ATP6V1B2: variants seen among roughly 807,000 people sequenced by gnomAD.
The protein encoded by ATP6V1B2 is ATPase H+ transporting V1 subunit B2.
In ATP6V1B2, 23 loss-of-function variants were observed where a neutral mutation model predicts 66.7. The observed-to-expected ratio is 0.34, with a 90% CI of 0.25 to 0.49. ATP6V1B2 has a LOEUF of 0.49. ATP6V1B2 is among the 20% of genes least tolerant of loss of function. ATP6V1B2 has a pLI of 0.99. For missense variants in ATP6V1B2, 478 were observed against 650.8 expected (o/e 0.73, Z 2.89); for synonymous variants, 278 against 236.7 (o/e 1.17, Z -1.60).
intron 2 of ATP6V1B2, among the ~76,000 whole-genome samples, chr8:20,208,919 G>C (rs1440011413): frequency 6.6e-6 from 1 of 151,842 alleles, no homozygotes; most frequent in Non-Finnish European, 1.5e-5. Flanking sequence ...ATGTTGGCCA[G>C]GCTGGTCTCG....
chr8:20,217,564 A>C (rs1038991782), intron 12 of ATP6V1B2, among the ~76,000 whole-genome samples: 2 of 152,244 alleles, frequency 1.3e-5, no homozygotes, highest in African/African-American at 4.8e-5. Context: ...TTTCCAAATA[A>C]AAAGCCAAGC....
At chr8:20,217,358 A>G (rs757056319) in intron 12 of ATP6V1B2, 34 bp downstream of exon 12, 2 of 1,545,756 alleles carry the variant, frequency 1.3e-6, no homozygotes, top group Non-Finnish European at 1.8e-6. Context: ...GTGTTTGAAA[A>G]TATGGATACG....
intron 12 of ATP6V1B2, among the ~76,000 whole-genome samples, chr8:20,217,728 T>G (rs1464198765): frequency 2.6e-5 from 4 of 152,200 alleles, no homozygotes; most frequent in African/African-American, 9.7e-5. Flanking sequence ...TCCTTGATTT[T>G]TATACTCATA....
At position 20,212,782 on chromosome 8, in the gene ATP6V1B2, C is replaced by T. The variant is rs140669149; in HGVS notation, c.804C>T (p.Thr268=). The T allele has an allele frequency of 2.5e-6, 4 of 1,612,902 alleles. No individual in the cohort carries two copies. The highest frequency in any genetic ancestry group is 3.4e-6 in the Non-Finnish European group (4 of 1,179,568). ...CCTAAGACTTAATGTTCCCTTTCAG[C>T]ATTGAGCGAATTATCACTCCTCGCC... ...CLFLNLANDP[T]IERIITPRLA... Residue 268 remains threonine, a splice_region_variant and synonymous_variant, in exon 9 of 14, where the codon ACC becomes ACT. Transcript: ENST00000276390.
chr8:20,203,436 G>A (rs1396836706), intron 1 of ATP6V1B2, among the ~76,000 whole-genome samples: 10 of 152,142 alleles, frequency 6.6e-5, no homozygotes. Context: ...TTAGTAAATG[G>A]TTTCCTCATG....
intron 2 of ATP6V1B2, among the ~76,000 whole-genome samples, chr8:20,204,784 G>A (rs1049706824): frequency 6.6e-6 from 1 of 152,108 alleles, no homozygotes; most frequent in Non-Finnish European, 1.5e-5. Context: ...TTCTAGAACA[G>A]TAATTGTACA....
chr8:20,216,338 G>T, intron 10 of ATP6V1B2, 75 bp from the exon 11 acceptor site: 1 of 1,377,096 alleles, frequency 7.3e-7, no homozygotes, highest in Non-Finnish European at 1.0e-6. Context: ...TGTGGGTTTG[G>T]TTCTGAGAGA....
At chr8:20,199,822 G>C (rs1023099920) in intron 1 of ATP6V1B2, among the ~76,000 whole-genome samples, 1 of 152,006 alleles carries the variant, frequency 6.6e-6, no homozygotes, top group African/African-American at 2.4e-5. Context: ...TGTTTCCCAG[G>C]CTGGTGGCGA....
chr8:20,206,184 C>A (rs1016829392), intron 2 of ATP6V1B2, among the ~76,000 whole-genome samples: 1 of 152,218 alleles, frequency 6.6e-6, no homozygotes, highest in South Asian at 2.1e-4. Context: ...CTGCTGTTCT[C>A]AGTATGTACT....
chr8:20,215,700 A>T (rs952038328), intron 10 of ATP6V1B2: 1 of 152,166 alleles, frequency 6.6e-6, no homozygotes, highest in Non-Finnish European at 1.5e-5. Context: ...ACCCAGTTTG[A>T]GTTCATAACT....
Position 20,212,435 on chromosome 8 carries a change from A to G in ATP6V1B2, c.803+236A>G, listed in dbSNP as rs190978954. Among the ~76,000 whole-genome samples, 67 of 152,332 alleles carry G rather than the reference A, an allele frequency of 4.4e-4. No homozygotes were observed. In the East Asian group the frequency reaches 0.011, roughly 26 times the overall value. On this transcript the variant is annotated intron_variant, in intron 8 of 13. Transcript: ENST00000276390. ...GTCTCATGGAGTTGTTTTGCATATTAAATGAGATCATACTTATAAATTACC... is the reference window on the plus strand; with the variant it reads ...GTCTCATGGAGTTGTTTTGCATATTGAATGAGATCATACTTATAAATTACC...
intron 6 of ATP6V1B2, 60 bp downstream of exon 6, chr8:20,211,376 A>G (rs1241817548): frequency 1.3e-6 from 2 of 1,574,526 alleles, no homozygotes; most frequent in South Asian, 2.3e-5. Flanking sequence ...ATAATGCATC[A>G]CTGTTACTGA....
intron 3 of ATP6V1B2, among the ~76,000 whole-genome samples, chr8:20,209,889 T>C (rs1170348751): frequency 1.3e-5 from 2 of 151,982 alleles, no homozygotes; most frequent in Non-Finnish European, 2.9e-5. Flanking sequence ...TCACTATGGG[T>C]AATGGCAATT....
intron 1 of ATP6V1B2, among the ~76,000 whole-genome samples, chr8:20,198,153 C>G (rs1267541261): frequency 6.6e-6 from 1 of 152,230 alleles, no homozygotes; most frequent in Non-Finnish European, 1.5e-5. Flanking sequence ...GTCATCCAGT[C>G]CAACCCTATC....
chr8:20,216,372 T>C, intron 10 of ATP6V1B2, 41 bp from the exon 11 acceptor site: 4 of 1,568,462 alleles, frequency 2.6e-6, no homozygotes, highest in Non-Finnish European at 3.5e-6. Context: ...ACTCATAACC[T>C]AAAGATGCCA....
chr8:20,212,979 T>C, intron 9 of ATP6V1B2, 74 bp downstream of exon 9: 1 of 1,574,854 alleles, frequency 6.3e-7, no homozygotes, highest in South Asian at 1.1e-5. Flanking sequence ...ACTTTGCAAG[T>C]TTTCATTCTT....
intron 7 of ATP6V1B2, among the ~76,000 whole-genome samples, 173 bp from the exon 8 acceptor site, chr8:20,211,929 T>C (rs1004900362): frequency 6.6e-6 from 1 of 152,186 alleles, no homozygotes; most frequent in East Asian, 1.9e-4. Flanking sequence ...AATTTAAGAA[T>C]AATATTGTTT....
chr8:20,217,639 T>A (rs1005071396), intron 12 of ATP6V1B2, among the ~76,000 whole-genome samples: 24 of 152,346 alleles, frequency 1.6e-4, no homozygotes, highest in African/African-American at 5.0e-4. Context: ...CCTGAAAGGC[T>A]ACTCTGACCT....
chr8:20,197,661 C>T, intron 1 of ATP6V1B2, 119 bp downstream of exon 1: 1 of 1,217,328 alleles, frequency 8.2e-7, no homozygotes, highest in South Asian at 3.2e-5. Context: ...CCGCGTCTCC[C>T]CTCCGACCCT....
Sources: gnomAD v4.1 joint callset for allele counts (sites outside exome capture counted in the v4.1 genomes callset) on GRCh38, gnomAD v4.1.1 for gene constraint, MANE v1.5 for transcripts, NCBI Gene and HGNC (gene_info 2026-07-23, HGNC 2026-07-21) for gene names.